SETD2: variants seen among roughly 807,000 people sequenced by gnomAD.
SETD2 encodes SET domain containing 2, histone lysine methyltransferase, also known as histone-lysine N-methyltransferase SETD2.
Under a neutral mutation model 242.1 loss-of-function variants are expected in SETD2, and 31 were observed. The ratio of observed to expected loss-of-function variants is 0.13; its 90% CI spans 0.10 to 0.17. The LOEUF (loss-of-function observed/expected upper bound fraction) is 0.17. Among genes scored for constraint, SETD2 ranks in the 10% least tolerant of loss-of-function variants. The pLI is 1.00. For synonymous variants in SETD2, 1,006 were observed against 1,066.5 expected (o/e 0.94, Z 1.11); for missense variants, 2,481 against 3,046.3 (o/e 0.81, Z 4.37).
At chr3:47,147,155 A>C (rs1481699382) in intron 1 of SETD2, among the ~76,000 whole-genome samples, 1 of 147,950 alleles carries the variant, frequency 6.8e-6, no homozygotes, top group Non-Finnish European at 1.5e-5. Flanking sequence ...GGATTACAGG[A>C]ACTCGCCACC....
intron 1 of SETD2, among the ~76,000 whole-genome samples, chr3:47,131,681 G>A (rs2043479795): frequency 6.6e-6 from 1 of 151,598 alleles, no homozygotes; most frequent in Non-Finnish European, 1.5e-5. Flanking sequence ...ATATGTAGCT[G>A]CGGGAAATTT....
intron 18 of SETD2, among the ~76,000 whole-genome samples, chr3:47,027,574 TA>T (rs966235620): frequency 4.0e-5 from 6 of 150,760 alleles, no homozygotes; most frequent in South Asian, 2.1e-4. Context: ...TAATAAAATT[TA>T]AAAAAAAATG....
chr3:47,128,139 G>A (rs2043389663), intron 1 of SETD2, among the ~76,000 whole-genome samples: 1 of 152,230 alleles, frequency 6.6e-6, no homozygotes, highest in African/African-American at 2.4e-5. Context: ...GGTTTCTCAT[G>A]AGAAGAATCA....
chr3:47,102,570 C>T (rs1042867305), intron 7 of SETD2, among the ~76,000 whole-genome samples: 5 of 152,080 alleles, frequency 3.3e-5, no homozygotes, highest in African/African-American at 7.2e-5. Flanking sequence ...GGGGGTGGAT[C>T]GCTTGAGGCC....
chr3:47,090,284 GTTAGA>G (rs758351957), intron 9 of SETD2, among the ~76,000 whole-genome samples: 58 of 151,954 alleles, frequency 3.8e-4, no homozygotes, highest in Non-Finnish European at 7.4e-4. Flanking sequence ...AAAGACTGGT[GTTAGA>G]TTAGAAGATC....
intron 12 of SETD2, among the ~76,000 whole-genome samples, chr3:47,078,858 G>A (rs1469607837): frequency 6.6e-6 from 1 of 151,798 alleles, no homozygotes; most frequent in African/African-American, 2.4e-5. Context: ...AGCCTCCCAA[G>A]TGGCTGGGAC....
At chr3:47,052,238 T>TCGGG (rs2039878430) in intron 15 of SETD2, among the ~76,000 whole-genome samples, 3 of 152,098 alleles carry the variant, frequency 2.0e-5, no homozygotes, top group Admixed American at 6.5e-5. Context: ...TGGCACAATC[T>TCGGG]CGGCTTACTG....
At chr3:47,040,623 G>A (rs535792515) in intron 17 of SETD2, among the ~76,000 whole-genome samples, 9 of 121,810 alleles carry the variant, frequency 7.4e-5, no homozygotes, top group East Asian at 5.3e-4. Flanking sequence ...CACCCAGGCC[G>A]GAATGCAGTG....
intron 1 of SETD2, among the ~76,000 whole-genome samples, chr3:47,137,557 C>T (rs2043617378): frequency 6.6e-6 from 1 of 152,014 alleles, no homozygotes; most frequent in Admixed American, 6.6e-5. Flanking sequence ...TATGTAATGC[C>T]CATTTCCTCC....
chr3:47,039,213 C>CT lies in SETD2; in HGVS notation c.7239-1437dup, dbSNP rs544216160. ...TACACATATAAATAAGAAATACAAA[C>CT]TTTTTTTTTTTTTTATTCTGATATG... is the stretch of plus-strand genomic sequence containing the variant. On this transcript the variant is annotated intron_variant, in intron 17 of 20. Transcript: ENST00000409792. Among the ~76,000 whole-genome samples the CT allele has an allele frequency of 1.4e-3, 196 of 144,186 alleles. 1 individual carries two copies. The highest frequency in any genetic ancestry group is 2.8e-3 in the East Asian group (14 of 4,994). 94.6% of individuals were successfully genotyped at this position (144,186 alleles called of 152,430 possible).
Position 47,019,826 on chromosome 3 carries a change from G to A in SETD2, c.7365C>T (p.Pro2455=). The part of the protein sequence containing the change: ...DENPMKASKK[P]KTAEADTSSE... The stretch of plus-strand genomic sequence containing the variant: ...TGGAGGTGTCTGCTTCTGCTGTCTT[G>A]GGCTTTTTCGAGGCCTAAAAATGGA... Residue 2455 remains proline, a synonymous_variant, in exon 19 of 21, where the codon CCC becomes CCT. Transcript: ENST00000409792. 2 of 1,613,838 alleles carry A rather than the reference G, an allele frequency of 1.2e-6. No homozygotes were observed. Among genetic ancestry groups the A allele is most frequent in the Non-Finnish European group, 1.7e-6 (2 of 1,179,860 alleles).
At chr3:47,144,516 A>G (rs767057085) in intron 1 of SETD2, among the ~76,000 whole-genome samples, 1 of 152,172 alleles carries the variant, frequency 6.6e-6, no homozygotes, top group African/African-American at 2.4e-5. Flanking sequence ...GCATGCCTAT[A>G]GTCCCAGTCT....
intron 1 of SETD2, among the ~76,000 whole-genome samples, chr3:47,141,344 C>G (rs1296326623): frequency 6.6e-6 from 1 of 152,100 alleles, no homozygotes; most frequent in African/African-American, 2.4e-5. Flanking sequence ...TGTATTGTAC[C>G]AGACTAAGTA....
At chr3:47,062,368 TTTG>T (rs867412097) in intron 13 of SETD2, 22 bp from the exon 14 acceptor site, 5 of 1,490,718 alleles carry the variant, frequency 3.4e-6, no homozygotes, top group Non-Finnish European at 3.5e-6. Context: ...GGGTGGTTTG[TTTG>T]TTTTTTTTTT....
intron 9 of SETD2, among the ~76,000 whole-genome samples, chr3:47,091,056 T>C (rs764633499): frequency 7.2e-5 from 11 of 152,216 alleles, no homozygotes; most frequent in Non-Finnish European, 1.5e-4. Context: ...AAAATGTACA[T>C]TTAAGGCTCA....
Position 47,084,239 on chromosome 3 carries a change from A to G in SETD2, c.5541T>C (p.Asn1847=). 2 of 1,614,108 alleles carry G rather than the reference A, an allele frequency of 1.2e-6. No homozygotes were observed. The highest frequency in any genetic ancestry group is 1.7e-6 in the Non-Finnish European group (2 of 1,180,020). The change falls in exon 12 of 21, where the codon AAT becomes AAC. Residue 1847 remains asparagine (N), a synonymous_variant. Coordinates refer to ENST00000409792, the MANE Select transcript of SETD2 (RefSeq NM_014159.7). The part of the protein sequence containing the change: ...LSEGDGYSSE[N]TSRAHTPLNT... ...TGAGTGGTGTATGAGCACGCGATGT[A>G]TTCTCACTAGAATACCCATCTCCTT...
At chr3:47,031,017 A>G (rs1178387115) in intron 18 of SETD2, among the ~76,000 whole-genome samples, 1 of 152,214 alleles carries the variant, frequency 6.6e-6, no homozygotes, top group Non-Finnish European at 1.5e-5. Context: ...GTAGCTAACT[A>G]TATGACATTC....
At chr3:47,142,379 T>C (rs2043750149) in intron 1 of SETD2, among the ~76,000 whole-genome samples, 1 of 151,914 alleles carries the variant, frequency 6.6e-6, no homozygotes, top group African/African-American at 2.4e-5. Context: ...TGTGATGGTG[T>C]GCGCCTGTAG....
intron 1 of SETD2, among the ~76,000 whole-genome samples, chr3:47,162,992 A>G (rs895177509): frequency 6.6e-6 from 1 of 152,186 alleles, no homozygotes; most frequent in African/African-American, 2.4e-5. Flanking sequence ...GAATCCTCAA[A>G]CGATTCTTGG....
Sources: gnomAD v4.1 joint callset for allele counts (sites outside exome capture counted in the v4.1 genomes callset) on GRCh38, gnomAD v4.1.1 for gene constraint, MANE v1.5 for transcripts, NCBI Gene and HGNC (gene_info 2026-07-23, HGNC 2026-07-21) for gene names.